DLGAP2: variants seen among roughly 807,000 people sequenced by gnomAD.
DLGAP2 encodes the protein disks large-associated protein 2.
Under a neutral mutation model 100.3 loss-of-function variants are expected in DLGAP2, and 26 were observed. The ratio of observed to expected loss-of-function variants is 0.26; its 90% CI spans 0.19 to 0.36. The LOEUF (loss-of-function observed/expected upper bound fraction) is 0.36. DLGAP2 is among the 10% of genes least tolerant of loss of function. The pLI, the probability that DLGAP2 is intolerant of heterozygous loss-of-function variation, is 1.00. For synonymous variants in DLGAP2, 886 were observed against 630.1 expected, an observed-to-expected ratio of 1.41 and a Z score of -6.08; for missense variants, 1,858 against 1,453.2, an observed-to-expected ratio of 1.28 and a Z score of -4.53.
chr8:831,352 C>G (rs759134101), intron 1 of DLGAP2, among the ~76,000 whole-genome samples: 1 of 145,766 alleles, frequency 6.9e-6, no homozygotes, highest in Non-Finnish European at 1.6e-5. Context: ...TCTCCTAATG[C>G]TATCCCTACC....
At chr8:1,339,255 C>A (rs34754666) in intron 3 of DLGAP2, among the ~76,000 whole-genome samples, 1 of 90,582 alleles carries the variant, frequency 1.1e-5, no homozygotes, top group Admixed American at 1.2e-4. Context: ...GTGACCTCAG[C>A]GAGGCGTCAG....
intron 1 of DLGAP2, among the ~76,000 whole-genome samples, chr8:761,181 G>T (rs1821073615): frequency 6.6e-6 from 1 of 152,102 alleles, no homozygotes; most frequent in Non-Finnish European, 1.5e-5. Context: ...CCCCTTCTCT[G>T]CTCCCCCCCA....
At chr8:1,665,945 C>T (rs972765087) in intron 8 of DLGAP2, among the ~76,000 whole-genome samples, 3 of 152,252 alleles carry the variant, frequency 2.0e-5, no homozygotes, top group Non-Finnish European at 4.4e-5. Flanking sequence ...CCATGTCGCA[C>T]TCAACACCCT....
At chr8:1,690,951 CG>C (rs1345257000) in intron 12 of DLGAP2, among the ~76,000 whole-genome samples, 4 of 152,118 alleles carry the variant, frequency 2.6e-5, no homozygotes, top group Non-Finnish European at 5.9e-5. Context: ...CATCTTCCTA[CG>C]TGCTACGACC....
chr8:1,367,022 C>T (rs74584879), intron 3 of DLGAP2, among the ~76,000 whole-genome samples: 6,118 of 152,116 alleles, frequency 0.04, 300 homozygotes, highest in East Asian at 0.2. Context: ...TACATGGCAA[C>T]CCCTCCAACA....
At chr8:906,428 G>A (rs529453069) in intron 1 of DLGAP2, among the ~76,000 whole-genome samples, 5 of 152,278 alleles carry the variant, frequency 3.3e-5, no homozygotes, top group African/African-American at 1.2e-4. Context: ...GATCCCTGAG[G>A]CCCTTTGGAA....
intron 2 of DLGAP2, among the ~76,000 whole-genome samples, chr8:1,203,105 T>C (rs1201710133): frequency 6.9e-6 from 1 of 144,210 alleles, no homozygotes; most frequent in African/African-American, 2.5e-5. Flanking sequence ...TCTCTTAGGG[T>C]TTTTGTTTGT....
intron 1 of DLGAP2, among the ~76,000 whole-genome samples, chr8:826,233 A>G (rs1394160454): frequency 2.0e-5 from 3 of 152,186 alleles, no homozygotes; most frequent in African/African-American, 7.2e-5. Context: ...CTGTGGACGG[A>G]CACTTAGGTG....
chr8:890,476 C>T (rs770964726), intron 1 of DLGAP2, among the ~76,000 whole-genome samples: 1 of 151,948 alleles, frequency 6.6e-6, no homozygotes, highest in Non-Finnish European at 1.5e-5. Context: ...GCGCTGTCTT[C>T]CCTTCTGGTT....
chr8:1,480,272 A>T (rs1036175985), intron 3 of DLGAP2, among the ~76,000 whole-genome samples: 2 of 152,068 alleles, frequency 1.3e-5, no homozygotes, highest in Non-Finnish European at 2.9e-5. Flanking sequence ...GTCTCTTTGG[A>T]GTCCACATGT....
Position 1,668,366 on chromosome 8 carries a change from G to A in DLGAP2, c.1848G>A (p.Pro616=), listed in dbSNP as rs755126253. 59 of 1,555,982 alleles carry A rather than the reference G, an allele frequency of 3.8e-5. No homozygotes were observed. Among genetic ancestry groups the A allele is most frequent in the Non-Finnish European group, 4.6e-5 (53 of 1,154,584 alleles). The change falls in exon 9 of 15, where the codon CCG becomes CCA. Residue 616 remains proline (P), a synonymous_variant. Coordinates refer to ENST00000637795, the MANE Select transcript of DLGAP2 (RefSeq NM_001346810.2). ...CAAATTACAAGAAAACGCCCCCACC[G>A]GTGCCCCCTCGGACCACCTCCAAGC... The part of the protein sequence containing the change: ...SYTNYKKTPP[P]VPPRTTSKPL...
At chr8:1,308,973 C>T (rs912925115) in intron 3 of DLGAP2, among the ~76,000 whole-genome samples, 2 of 151,906 alleles carry the variant, frequency 1.3e-5, no homozygotes, top group Non-Finnish European at 2.9e-5. Context: ...GAAAAATTTA[C>T]TCTAGAGGTT....
At chr8:1,610,183 A>T (rs1230278444) in intron 6 of DLGAP2, among the ~76,000 whole-genome samples, 2 of 152,196 alleles carry the variant, frequency 1.3e-5, no homozygotes, top group Non-Finnish European at 2.9e-5. Flanking sequence ...ATTATAACAA[A>T]CTATCTCTCA....
chr8:1,135,502 G>GGTTT (rs1796387619), intron 2 of DLGAP2, among the ~76,000 whole-genome samples: 1 of 64,260 alleles, frequency 1.6e-5, no homozygotes, highest in Non-Finnish European at 3.3e-5. Flanking sequence ...TTTTTTTGTG[G>GGTTT]GTTTTTTTTT....
intron 1 of DLGAP2, among the ~76,000 whole-genome samples, chr8:880,562 CGTGCTGGGG>C (rs1797769157): frequency 7.5e-6 from 1 of 133,810 alleles, no homozygotes; most frequent in African/African-American, 2.9e-5. Context: ...ACATGGCATC[CGTGCTGGGG>C]AGACTTTATA....
In DLGAP2 at chr8:1,691,643, T is replaced by G. The variant is rs995351651; in HGVS notation, c.2796+17T>G. ...CAGAATATGGTAAGTGAATCCTCAG[T>G]GAACCCCTGTTCCCTGTAACCAAGC... On this transcript the variant is annotated intron_variant, in intron 13 of 14. Coordinates refer to ENST00000637795, the MANE Select transcript of DLGAP2 (RefSeq NM_001346810.2). 5.6e-6 allele frequency: 9 copies of G among 1,594,620 alleles called. No individual in the cohort carries two copies. Among genetic ancestry groups the G allele is most frequent in the African/African-American group, 2.7e-5 (2 of 74,578 alleles).
At position 1,142,522 on chromosome 8, in the gene DLGAP2, T is replaced by C. The variant is rs186921377; in HGVS notation, c.74-116329T>C. Among the ~76,000 whole-genome samples, 244 of 152,308 alleles carry C rather than the reference T, an allele frequency of 1.6e-3. 1 individual carries two copies. The highest frequency in any genetic ancestry group is 5.6e-3 in the African/African-American group (231 of 41,578). On this transcript the variant is annotated intron_variant, in intron 2 of 14. Transcript: ENST00000637795. ...TGGGTCTAGTATAGAACATCTTTTG[T>C]AAAAGTGCCATAAGAAGATAAAACA...
At chr8:1,505,688 A>G (rs2130343670) in intron 4 of DLGAP2, among the ~76,000 whole-genome samples, 1 of 152,396 alleles carries the variant, frequency 6.6e-6, no homozygotes, top group South Asian at 2.1e-4. Context: ...ACCTTGAAAG[A>G]GAAAAACCTC....
intron 3 of DLGAP2, among the ~76,000 whole-genome samples, chr8:1,277,693 G>A (rs1464012206): frequency 3.9e-5 from 6 of 152,158 alleles, no homozygotes; most frequent in Admixed American, 3.9e-4. Flanking sequence ...GGGCTTCCAG[G>A]CTGGCAGCAG....
Sources: allele counts gnomAD v4.1 joint callset (sites outside exome capture counted in the v4.1 genomes callset), GRCh38; gene constraint gnomAD v4.1.1; transcripts MANE v1.5; gene names NCBI Gene and HGNC (gene_info 2026-07-23, HGNC 2026-07-21).